Variants in PPP3R1 observed in about 807,000 individuals in gnomAD.
The protein encoded by PPP3R1 is protein phosphatase 3 regulatory subunit B, alpha.
A neutral mutation model predicts 22.6 loss-of-function variants in PPP3R1; 5 were observed. The ratio of observed to expected loss-of-function variants is 0.22; its 90% CI spans 0.12 to 0.46. PPP3R1 has a LOEUF of 0.46. Ranked by LOEUF, PPP3R1 falls within the 20% of genes least tolerant of loss-of-function variation. PPP3R1 has a pLI of 0.99. For synonymous variants in PPP3R1, 56 were observed against 65.2 expected (o/e 0.86, Z 0.68); for missense variants, 61 against 203.2 (o/e 0.30, Z 4.25).
intron 2 of PPP3R1, among the ~76,000 whole-genome samples, chr2:68,196,850 G>C (rs369704919): frequency 6.6e-6 from 1 of 151,994 alleles, no homozygotes; most frequent in Non-Finnish European, 1.5e-5. Flanking sequence ...TCAGCCTCCG[G>C]GGTAGCTGAG....
intron 1 of PPP3R1, among the ~76,000 whole-genome samples, chr2:68,225,523 T>C (rs369496453): frequency 1.3e-5 from 2 of 152,186 alleles, no homozygotes; most frequent in African/African-American, 2.4e-5. Flanking sequence ...ACAGGAGAAC[T>C]TGGTCTGGAT....
chr2:68,235,523 T>C (rs1034703401), intron 1 of PPP3R1, among the ~76,000 whole-genome samples: 2 of 152,230 alleles, frequency 1.3e-5, no homozygotes, highest in African/African-American at 4.8e-5. Flanking sequence ...ATCTAATGTG[T>C]TGTAACAAGT....
chr2:68,224,278 A>C (rs1397738117), intron 1 of PPP3R1, among the ~76,000 whole-genome samples: 1 of 152,230 alleles, frequency 6.6e-6, no homozygotes, highest in East Asian at 1.9e-4. Context: ...ACTAATTCTA[A>C]AATTCATATG....
At chr2:68,184,750 C>T (rs933626069) in intron 5 of PPP3R1, among the ~76,000 whole-genome samples, 5 of 152,168 alleles carry the variant, frequency 3.3e-5, no homozygotes, top group Non-Finnish European at 5.9e-5. Context: ...TTTCTCCACT[C>T]GTAAACTATG....
intron 2 of PPP3R1, among the ~76,000 whole-genome samples, chr2:68,191,726 G>C (rs1262727960): frequency 6.6e-6 from 1 of 152,128 alleles, no homozygotes; most frequent in Non-Finnish European, 1.5e-5. Context: ...TAAATAATCT[G>C]ATAAAAAAGA....
intron 2 of PPP3R1, among the ~76,000 whole-genome samples, chr2:68,211,694 G>T (rs992826764): frequency 6.6e-6 from 1 of 152,116 alleles, no homozygotes; most frequent in African/African-American, 2.4e-5. Context: ...TTCAAACCCT[G>T]CTGCTGCTTT....
At chr2:68,193,138 T>G (rs1247904970) in intron 2 of PPP3R1, among the ~76,000 whole-genome samples, 1 of 152,138 alleles carries the variant, frequency 6.6e-6, no homozygotes, top group Non-Finnish European at 1.5e-5. Context: ...TCTGGATGAG[T>G]AGTCAAAACT....
rs747345878 is a variant in PPP3R1 at position 68,252,132 on chromosome 2, C to CTCGGCGGG, written c.-13_-6dup. ...AGGAAGCCAAGGTCTCACCATTTTG[C>CTCGGCGGG]TCGGCGGGTCGGCGGCTCGCTGGCT... is the stretch of plus-strand genomic sequence containing the variant. On this transcript the variant is annotated 5_prime_UTR_variant, in exon 1 of 6. Coordinates refer to ENST00000234310, the MANE Select transcript of PPP3R1 (RefSeq NM_000945.4). 25 of 1,438,806 alleles carry CTCGGCGGG rather than the reference C, an allele frequency of 1.7e-5. No homozygotes were observed. The East Asian group carries it at 2.4e-4, about 14-fold the overall frequency. 89.1% of individuals were successfully genotyped at this position (1,438,806 alleles called of 1,614,324 possible). A position where few individuals can be genotyped will look rare whatever the true frequency, so the allele number is the denominator to read the frequency against.
chr2:68,198,343 A>G (rs1674864634), intron 2 of PPP3R1, among the ~76,000 whole-genome samples: 2 of 78,058 alleles, frequency 2.6e-5, no homozygotes, highest in Admixed American at 2.5e-4. Flanking sequence ...ATATATGTAC[A>G]TGTATATGCA....
At chr2:68,232,087 C>T (rs1280821676) in intron 1 of PPP3R1, among the ~76,000 whole-genome samples, 20 of 118,122 alleles carry the variant, frequency 1.7e-4, no homozygotes, top group South Asian at 3.3e-4. Context: ...TGGGAATACC[C>T]GTATCTACTA....
chr2:68,198,209 T>C lies in PPP3R1; in HGVS notation c.44-9519A>G, dbSNP rs939741641. On this transcript the variant is annotated intron_variant, in intron 2 of 5. Coordinates refer to ENST00000234310, the MANE Select transcript of PPP3R1 (RefSeq NM_000945.4). ...TAATATATATTTACATATATGTGCA[T>C]ACATATATACATTTTACATATATGT... Among the ~76,000 whole-genome samples, 17 of 139,222 alleles carry C rather than the reference T, an allele frequency of 1.2e-4. No individual in the cohort carries two copies. In the East Asian group the frequency reaches 2.1e-3, roughly 17 times the overall value. The allele number at this position is 139,222 out of a possible 152,430, so 91.3% of individuals were successfully genotyped here.
chr2:68,251,757 T>A (rs1275028989), intron 1 of PPP3R1, among the ~76,000 whole-genome samples: 1 of 148,510 alleles, frequency 6.7e-6, no homozygotes, highest in Non-Finnish European at 1.5e-5. Context: ...GGGAGGGGGG[T>A]GCTCCACGTG....
At chr2:68,227,979 T>A (rs970657798) in intron 1 of PPP3R1, among the ~76,000 whole-genome samples, 19 of 152,322 alleles carry the variant, frequency 1.2e-4, no homozygotes, top group Admixed American at 9.1e-4. Context: ...ATTACTGCAC[T>A]GACTAGAACT....
intron 2 of PPP3R1, among the ~76,000 whole-genome samples, chr2:68,203,120 T>A (rs1371935379): frequency 2.0e-5 from 3 of 152,242 alleles, no homozygotes; most frequent in African/African-American, 7.2e-5. Flanking sequence ...AAAGCATAAG[T>A]AATTCTCAGT....
At chr2:68,205,174 A>AT (rs1421130928) in intron 2 of PPP3R1, among the ~76,000 whole-genome samples, 1 of 151,744 alleles carries the variant, frequency 6.6e-6, no homozygotes, top group African/African-American at 2.4e-5. Flanking sequence ...AATGTTATCT[A>AT]TATCCCACCC....
intron 2 of PPP3R1, among the ~76,000 whole-genome samples, chr2:68,201,134 T>C (rs1369846233): frequency 6.6e-6 from 1 of 152,198 alleles, no homozygotes; most frequent in Non-Finnish European, 1.5e-5. Flanking sequence ...TCCCATCCCA[T>C]TACATCACAT....
In PPP3R1 at chr2:68,232,109, ATAT is replaced by A. The variant is rs1204281816; in HGVS notation, c.4-14981_4-14979del. On this transcript the variant is annotated intron_variant, in intron 1 of 5. Coordinates refer to ENST00000234310, the MANE Select transcript of PPP3R1 (RefSeq NM_000945.4). ...ACCCGTATCTACTAAAAAAAAAAAA[ATAT>A]ATATATATATATACACACACACACA... Among the ~76,000 whole-genome samples the A allele has an allele frequency of 7.1e-4, 65 of 91,216 alleles. 2 individuals carry two copies. Among genetic ancestry groups the A allele is most frequent in the East Asian group, 5.6e-3 (21 of 3,778 alleles). 59.8% of individuals were successfully genotyped at this position (91,216 alleles called of 152,430 possible). A position where few individuals can be genotyped will look rare whatever the true frequency, so the allele number is the denominator to read the frequency against.
intron 5 of PPP3R1, among the ~76,000 whole-genome samples, chr2:68,184,911 G>C (rs1674502520): frequency 6.6e-6 from 1 of 152,056 alleles, no homozygotes; most frequent in African/African-American, 2.4e-5. Context: ...AACATAGCGA[G>C]ACCCCTGTCT....
chr2:68,193,660 C>T (rs1674711545), intron 2 of PPP3R1, among the ~76,000 whole-genome samples: 1 of 152,150 alleles, frequency 6.6e-6, no homozygotes, highest in African/African-American at 2.4e-5. Flanking sequence ...TATTTAAGCA[C>T]TTCCACTTGC....
Sources: allele counts gnomAD v4.1 joint callset (sites outside exome capture counted in the v4.1 genomes callset), GRCh38; gene constraint gnomAD v4.1.1; transcripts MANE v1.5; gene names NCBI Gene and HGNC (gene_info 2026-07-23, HGNC 2026-07-21).